The following NTSR1 variants were observed in gnomAD, a reference collection of about 807,000 sequenced individuals.
The protein encoded by NTSR1 is neurotensin receptor type 1.
Under a neutral mutation model 31.2 loss-of-function variants are expected in NTSR1, and 29 were observed. That is an observed-to-expected ratio of 0.93 (90% CI 0.69 to 1.27). The LOEUF (loss-of-function observed/expected upper bound fraction) is 1.27. NTSR1 is among the 50% of genes most tolerant of loss of function. The probability of loss-of-function intolerance (pLI) is 0.00; values close to 1 mark genes in which losing one functional copy is unlikely to be tolerated. For missense variants in NTSR1, 697 were observed against 595.4 expected (o/e 1.17, Z -1.78); for synonymous variants, 282 against 269.9 (o/e 1.04, Z -0.44).
At chr20:62,759,737 T>A (rs942424568) in intron 3 of NTSR1, among the ~76,000 whole-genome samples, 2 of 142,762 alleles carry the variant, frequency 1.4e-5, no homozygotes, top group Admixed American at 7.2e-5. Flanking sequence ...ATCGCGCCAC[T>A]GTACTCCAGC....
intron 1 of NTSR1, among the ~76,000 whole-genome samples, chr20:62,717,386 G>A (rs534905981): frequency 6.6e-6 from 1 of 152,332 alleles, no homozygotes; most frequent in Non-Finnish European, 1.5e-5. Flanking sequence ...GAGAATAGGT[G>A]GTTTTGGGTT....
At chr20:62,724,481 G>T (rs1988873336) in intron 1 of NTSR1, among the ~76,000 whole-genome samples, 1 of 152,200 alleles carries the variant, frequency 6.6e-6, no homozygotes, top group South Asian at 2.1e-4. Context: ...TTTCCTGACA[G>T]CTTCTTCAAA....
At chr20:62,712,056 C>T (rs1215863604) in intron 1 of NTSR1, among the ~76,000 whole-genome samples, 1 of 152,232 alleles carries the variant, frequency 6.6e-6, no homozygotes, top group Admixed American at 6.5e-5. Context: ...GGTGCTCCTC[C>T]ATCCGATGCT....
intron 1 of NTSR1, among the ~76,000 whole-genome samples, chr20:62,752,675 A>G (rs796597364): frequency 1.3e-5 from 2 of 152,336 alleles, no homozygotes; most frequent in African/African-American, 4.8e-5. Flanking sequence ...ATGTTTTGAC[A>G]TTTAAAATCT....
intron 1 of NTSR1, among the ~76,000 whole-genome samples, chr20:62,713,592 A>G (rs544785333): frequency 6.6e-6 from 1 of 152,338 alleles, no homozygotes; most frequent in Non-Finnish European, 1.5e-5. Context: ...TAGGAAGGAT[A>G]CAGAGGTGTT....
At chr20:62,738,100 T>C (rs67511177) in intron 1 of NTSR1, among the ~76,000 whole-genome samples, 25,044 of 111,518 alleles carry the variant, frequency 0.22, 4,850 homozygotes, top group African/African-American at 0.49. Flanking sequence ...CCAGGTGCCT[T>C]GGATGCATCA....
At chr20:62,750,690 CAAAA>C (rs59850535) in intron 1 of NTSR1, among the ~76,000 whole-genome samples, 2 of 55,154 alleles carry the variant, frequency 3.6e-5, no homozygotes. Flanking sequence ...GACTCCGTCT[CAAAA>C]AAAAAAAAAA....
intron 2 of NTSR1, among the ~76,000 whole-genome samples, chr20:62,757,889 G>C (rs779536603): frequency 6.6e-6 from 1 of 151,844 alleles, no homozygotes; most frequent in Admixed American, 6.6e-5. Flanking sequence ...CTGAGCTTGT[G>C]TCTGGTCTCT....
rs1174093786 is a variant in NTSR1 at position 62,714,126 on chromosome 20, G to C, written c.714+4205G>C. 6.6e-6 allele frequency among the ~76,000 whole-genome samples: 1 copy of C among 152,220 alleles called. No individual in the cohort carries two copies. The highest frequency in any genetic ancestry group is 1.5e-5 in the Non-Finnish European group (1 of 68,042). ...AAAGTTGCAGAAGAAGTTCTTCAAGGGGTCCTTAGGAACAGCCTGCTCCAC... is the reference window on the plus strand; with the variant it reads ...AAAGTTGCAGAAGAAGTTCTTCAAGCGGTCCTTAGGAACAGCCTGCTCCAC... On this transcript the variant is annotated intron_variant, in intron 1 of 3. Transcript: ENST00000370501. This position sits in a 1 kb window ranked among gnomAD's most constrained non-coding sequence, Gnocchi z 4.1.
At chr20:62,716,982 A>C (rs1463062797) in intron 1 of NTSR1, among the ~76,000 whole-genome samples, 1 of 152,212 alleles carries the variant, frequency 6.6e-6, no homozygotes, top group Non-Finnish European at 1.5e-5. Flanking sequence ...CGCAGTGGCC[A>C]AGGGGCTGTC....
intron 1 of NTSR1, among the ~76,000 whole-genome samples, chr20:62,750,852 C>T (rs1227603426): frequency 1.3e-5 from 2 of 151,922 alleles, no homozygotes; most frequent in Non-Finnish European, 2.9e-5. Flanking sequence ...ACATAGATGA[C>T]AACATCACAT....
In NTSR1 at chr20:62,761,750, G is replaced by T. The variant is rs180819673; in HGVS notation, c.*1483G>T. On this transcript the variant is annotated 3_prime_UTR_variant, in exon 4 of 4. Transcript: ENST00000370501. ...TGCCTTCTCTGGACTCAGTTTCCCC[G>T]TCTGAGAAATGAGAGTCGAATGCTA... 1 of 152,180 alleles carries T rather than the reference G, an allele frequency of 6.6e-6. No homozygotes were observed. Among genetic ancestry groups the T allele is most frequent in the African/African-American group, 2.4e-5 (1 of 41,414 alleles). 9.4% of individuals were successfully genotyped at this position (152,180 alleles called of 1,614,324 possible).
intron 1 of NTSR1, among the ~76,000 whole-genome samples, chr20:62,727,762 C>T (rs1172991482): frequency 6.6e-6 from 1 of 152,274 alleles, no homozygotes; most frequent in African/African-American, 2.4e-5. Context: ...CAAATGGCCC[C>T]GGCCTCAGAA....
intron 1 of NTSR1, among the ~76,000 whole-genome samples, chr20:62,727,655 G>A (rs981653838): frequency 2.0e-5 from 3 of 152,218 alleles, no homozygotes; most frequent in African/African-American, 7.2e-5. Context: ...GAGGGGAGGC[G>A]GGAGTGCCTG....
In NTSR1 at chr20:62,749,376, A is replaced by T. The variant is rs114426658; in HGVS notation, c.715-5309A>T. ...CCCTTATCTCACACCATGCAAAAAA[A>T]AATCAGCTTAAAGTGGATTAAAGAT... On this transcript the variant is annotated intron_variant, in intron 1 of 3. Coordinates refer to ENST00000370501, the MANE Select transcript of NTSR1 (RefSeq NM_002531.3). Among the ~76,000 whole-genome samples the T allele has an allele frequency of 5.5e-3, 843 of 152,324 alleles. 7 individuals are homozygous for T. The highest frequency in any genetic ancestry group is 0.019 in the African/African-American group (810 of 41,560).
rs1251287066 is a variant in NTSR1 at position 62,709,831 on chromosome 20, C to A, written c.624C>A (p.Gly208=). The part of the protein sequence containing the change: ...LLAVPMLFTM[G]EQNRSADGQH... ...CGGTGCCTATGCTGTTCACCATGGG[C>A]GAGCAGAACCGCAGCGCCGACGGCC... Residue 208 remains glycine (G), a synonymous_variant, in exon 1 of 4, where the codon GGC becomes GGA. Transcript: ENST00000370501. The A allele has an allele frequency of 1.9e-6, 3 of 1,611,918 alleles. No homozygotes were observed. The highest frequency in any genetic ancestry group is 1.1e-5 in the South Asian group (1 of 91,056).
In NTSR1 at chr20:62,741,911, A is replaced by G. The variant is rs1247837572; in HGVS notation, c.715-12774A>G. Among the ~76,000 whole-genome samples, 1 of 146,362 alleles carries G rather than the reference A, an allele frequency of 6.8e-6. No individual in the cohort carries two copies. The highest frequency in any genetic ancestry group is 2.7e-5 in the African/African-American group (1 of 37,060). On this transcript the variant is annotated intron_variant, in intron 1 of 3. Transcript: ENST00000370501. The surrounding 1 kb of genome is among the most constrained non-coding windows in gnomAD (Gnocchi z 4.3). ...GTGGGATCAGGCCCCTGGGTTCACA[A>G]CTGTGCCTGGGTTTCTTTATCTACA... is the stretch of plus-strand genomic sequence containing the variant.
At position 62,758,784 on chromosome 20, in the gene NTSR1, A is replaced by G. The variant is rs1033229502; in HGVS notation, c.1007+428A>G. 6.6e-6 allele frequency among the ~76,000 whole-genome samples: 1 copy of G among 152,180 alleles called. No individual in the cohort carries two copies. The highest frequency in any genetic ancestry group is 1.5e-5 in the Non-Finnish European group (1 of 68,018). On this transcript the variant is annotated intron_variant, in intron 3 of 3. Transcript: ENST00000370501. The surrounding 1 kb of genome is among the most constrained non-coding windows in gnomAD (Gnocchi z 4.5). Reference sequence around the variant, plus strand: ...TATCGCAGCAAGAGCACCAATACTGACAAAGCTTTGCTTATACAGCAAAGT... The same window carrying G: ...TATCGCAGCAAGAGCACCAATACTGGCAAAGCTTTGCTTATACAGCAAAGT...
At chr20:62,721,475 G>A (rs193074278) in intron 1 of NTSR1, among the ~76,000 whole-genome samples, 8 of 152,334 alleles carry the variant, frequency 5.3e-5, no homozygotes, top group South Asian at 2.1e-4. Flanking sequence ...GAGGCAGCCC[G>A]CTTGGTCAGA....
Sources: allele counts gnomAD v4.1 joint callset (sites outside exome capture counted in the v4.1 genomes callset), GRCh38; gene constraint gnomAD v4.1.1; non-coding constraint Gnocchi (gnomAD v3.1); transcripts MANE v1.5; gene names NCBI Gene and HGNC (gene_info 2026-07-23, HGNC 2026-07-21).